Variants in TTLL11 observed in about 807,000 individuals in gnomAD.
TTLL11 encodes the protein tubulin polyglutamylase TTLL11.
In TTLL11, 42 loss-of-function variants were observed where a neutral mutation model predicts 51.7. The observed-to-expected ratio is 0.81, with a 90% confidence interval of 0.64 to 1.05. TTLL11 has a LOEUF of 1.05. Ranked by LOEUF, TTLL11 falls within the 50% of genes least tolerant of loss-of-function variation. The pLI, the probability that TTLL11 is intolerant of heterozygous loss-of-function variation, is 0.00. For missense variants in TTLL11, 799 were observed against 940.4 expected, an observed-to-expected ratio of 0.85 and a Z score of 1.97; for synonymous variants, 381 against 383.5, an observed-to-expected ratio of 0.99 and a Z score of 0.08.
At chr9:121,939,796 G>C (rs1226793808) in intron 6 of TTLL11, among the ~76,000 whole-genome samples, 1 of 152,062 alleles carries the variant, frequency 6.6e-6, no homozygotes, top group Non-Finnish European at 1.5e-5. Context: ...CCTGCACCCA[G>C]CCCAGCCTGC....
intron 6 of TTLL11, among the ~76,000 whole-genome samples, chr9:121,968,939 G>A (rs974440492): frequency 4.6e-5 from 7 of 151,404 alleles, no homozygotes; most frequent in African/African-American, 1.7e-4. Context: ...GCACGATCTC[G>A]GCTCACTGCA....
chr9:121,993,985 G>A (rs4836872), intron 3 of TTLL11, among the ~76,000 whole-genome samples: 65,031 of 151,980 alleles, frequency 0.43, 15,851 homozygotes, highest in African/African-American at 0.67. Flanking sequence ...AGTGTCACAC[G>A]GTGCATGCCA....
At chr9:121,883,477 G>A (rs983109176) in intron 6 of TTLL11, among the ~76,000 whole-genome samples, 5 of 152,098 alleles carry the variant, frequency 3.3e-5, no homozygotes, top group Admixed American at 2.0e-4. Flanking sequence ...AAGATTTCGC[G>A]GCCTCCTTCG....
rs60303603 is a variant in TTLL11 at position 121,937,235 on chromosome 9, T to A, written c.1481+36774A>T. On this transcript the variant is annotated intron_variant, in intron 6 of 8. Coordinates refer to ENST00000321582, the MANE Select transcript of TTLL11 (RefSeq NM_001139442.2). ...AACGGACGTGAATAATGCCAGCTAT[T>A]TTTGGTTGACTTTCACTTTGTGCCA... 9.2e-5 allele frequency among the ~76,000 whole-genome samples: 14 copies of A among 152,318 alleles called. No individual in the cohort carries two copies. The East Asian group carries it at 2.7e-3, about 29-fold the overall frequency.
chr9:121,820,954 C>T lies in TTLL11; in HGVS notation c.*1633G>A, dbSNP rs977807120. Reference sequence around the variant, plus strand: ...TGCTAGCAGCAGGGAAGGGGTGCTGCGCGGCAGCCACACCGTGGGGGAAAC... The same window carrying T: ...TGCTAGCAGCAGGGAAGGGGTGCTGTGCGGCAGCCACACCGTGGGGGAAAC... On this transcript the variant is annotated 3_prime_UTR_variant, in exon 9 of 9. Transcript: ENST00000321582. 1.3e-5 allele frequency among the ~76,000 whole-genome samples: 2 copies of T among 151,204 alleles called. No individual in the cohort carries two copies. The highest frequency in any genetic ancestry group is 6.6e-5 in the Admixed American group (1 of 15,180).
At chr9:121,849,809 T>C (rs138175703) in intron 8 of TTLL11, among the ~76,000 whole-genome samples, 1 of 152,272 alleles carries the variant, frequency 6.6e-6, no homozygotes, top group Non-Finnish European at 1.5e-5. Flanking sequence ...TGCAAAATGG[T>C]ACTACTACTT....
intron 1 of TTLL11, among the ~76,000 whole-genome samples, chr9:122,088,245 G>A (rs1313717283): frequency 6.6e-6 from 1 of 152,112 alleles, no homozygotes; most frequent in Admixed American, 6.6e-5. Context: ...GTAAAACCTG[G>A]TCCATACTGC....
chr9:121,963,580 C>T (rs1343413057), intron 6 of TTLL11: 2 of 152,216 alleles, frequency 1.3e-5, no homozygotes, highest in Non-Finnish European at 2.9e-5. Context: ...ATCTACTCCA[C>T]CCACGGCAAG....
rs1588044320 is a variant in TTLL11 at position 121,818,100 on chromosome 9, G to C, written c.*4487C>G. ...CAACCCCACACAAACTCAGGGCAAT[G>C]CAGAGTTGAAAGGAGGCTGGCTAGC... On this transcript the variant is annotated 3_prime_UTR_variant, in exon 9 of 9. Coordinates refer to ENST00000321582, the MANE Select transcript of TTLL11 (RefSeq NM_001139442.2). 1 of 152,360 alleles carries C rather than the reference G, an allele frequency of 6.6e-6. No individual in the cohort carries two copies. The highest frequency in any genetic ancestry group is 1.9e-4 in the East Asian group (1 of 5,210). 9.4% of individuals were successfully genotyped at this position (152,360 alleles called of 1,614,324 possible). A position where few individuals can be genotyped will look rare whatever the true frequency, so the allele number is the denominator to read the frequency against.
intron 1 of TTLL11, among the ~76,000 whole-genome samples, chr9:122,051,626 CTCTT>C: frequency 6.6e-6 from 1 of 152,268 alleles, no homozygotes; most frequent in Non-Finnish European, 1.5e-5. Context: ...TCTTCTCTCT[CTCTT>C]TCTCTCTCTC....
At chr9:122,059,083 C>T (rs1021803719) in intron 1 of TTLL11, among the ~76,000 whole-genome samples, 4 of 152,074 alleles carry the variant, frequency 2.6e-5, no homozygotes, top group African/African-American at 9.7e-5. Flanking sequence ...TCTCGGTGCA[C>T]CTTGAAGAAA....
intron 6 of TTLL11, among the ~76,000 whole-genome samples, chr9:121,898,270 G>A (rs559139888): frequency 6.6e-5 from 10 of 152,328 alleles, no homozygotes; most frequent in African/African-American, 2.4e-4. Flanking sequence ...AGAGAGAAAA[G>A]CTGGGACGCT....
At chr9:121,973,939 C>T (rs35609526) in intron 6 of TTLL11, 70 bp downstream of exon 6, 266,642 of 1,090,968 alleles carry the variant, frequency 0.24, 36,993 homozygotes, top group Non-Finnish European at 0.28. Context: ...CAAGAACTTA[C>T]CTGCTTAGGA....
At chr9:121,837,949 C>G (rs1031574656) in intron 8 of TTLL11, among the ~76,000 whole-genome samples, 4 of 152,206 alleles carry the variant, frequency 2.6e-5, no homozygotes, top group Non-Finnish European at 5.9e-5. Flanking sequence ...TTCTTGCTCT[C>G]TCTCTCTTGC....
chr9:121,874,355 T>C (rs1045044372), intron 6 of TTLL11, among the ~76,000 whole-genome samples: 1 of 152,206 alleles, frequency 6.6e-6, no homozygotes, highest in Non-Finnish European at 1.5e-5. Flanking sequence ...ACAAATCCTA[T>C]GTGGAATTAT....
intron 1 of TTLL11, among the ~76,000 whole-genome samples, chr9:122,074,308 TGTTCACAG>T (rs1222564732): frequency 6.6e-5 from 10 of 151,844 alleles, no homozygotes; most frequent in Non-Finnish European, 1.3e-4. Context: ...ACCATGATGC[TGTTCACAG>T]GTAAACATCT....
rs778063545 is a variant in TTLL11, at chr9:121,822,644, G to A, written c.2076C>T (p.Pro692=). Residue 692 remains proline (P), a synonymous_variant, in exon 9 of 9, where the codon CCC becomes CCT. Transcript: ENST00000321582. The surrounding 1 kb of genome is among the most constrained non-coding windows in gnomAD (Gnocchi z 5.8). The part of the protein sequence containing the change: ...SPSAQPAGDN[P]PPRTSCANKL... ...TATTGGCACAGCTGGTGCGGGGTGG[G>A]GGGTTGTCCCCTGCTGGCTGGGCCG... The A allele has an allele frequency of 2.2e-5, 33 of 1,517,654 alleles. No individual in the cohort carries two copies. Among genetic ancestry groups the A allele is most frequent in the Middle Eastern group, 4.6e-4 (2 of 4,312 alleles). 94.0% of individuals were successfully genotyped at this position (1,517,654 alleles called of 1,614,324 possible). A position where few individuals can be genotyped will look rare whatever the true frequency, so the allele number is the denominator to read the frequency against.
At chr9:121,885,034 C>G (rs1339639271) in intron 6 of TTLL11, 1 of 152,218 alleles carries the variant, frequency 6.6e-6, no homozygotes, top group Admixed American at 6.5e-5. Flanking sequence ...AGTCTTCACC[C>G]AGGAAAACAC....
rs201699762 is a variant in TTLL11 at position 121,864,951 on chromosome 9, C to CT, written c.1734-4509dup. ...CATCCTTCTCTGTGCAGAAAAGAAGCTTTTTTTTTCTTCTGGAGAGGATTC... is the reference window on the plus strand; with the variant it reads ...CATCCTTCTCTGTGCAGAAAAGAAGCTTTTTTTTTTCTTCTGGAGAGGATTC... On this transcript the variant is annotated intron_variant, in intron 7 of 8. Coordinates refer to ENST00000321582, the MANE Select transcript of TTLL11 (RefSeq NM_001139442.2). 7.0e-4 allele frequency among the ~76,000 whole-genome samples: 106 copies of CT among 151,584 alleles called. 1 individual carries two copies. Among genetic ancestry groups the CT allele is most frequent in the African/African-American group, 2.1e-3 (86 of 41,268 alleles).
Sources: gnomAD v4.1 joint callset for allele counts (sites outside exome capture counted in the v4.1 genomes callset) on GRCh38, gnomAD v4.1.1 for gene constraint, Gnocchi (gnomAD v3.1) non-coding constraint, MANE v1.5 for transcripts, NCBI Gene and HGNC (gene_info 2026-07-23, HGNC 2026-07-21) for gene names.